The following NAV3 variants were observed in gnomAD, a reference collection of about 807,000 sequenced individuals.
NAV3 encodes pore membrane and/or filament interacting like protein 1.
NAV3 carries 87 observed loss-of-function variants against 244.7 expected under a neutral mutation model. That is an observed-to-expected ratio of 0.36 (90% CI 0.30 to 0.42). The LOEUF (loss-of-function observed/expected upper bound fraction) is 0.42, where lower values mean the gene tolerates loss of function less well. Ranked by LOEUF, NAV3 falls within the 20% of genes least tolerant of loss-of-function variation. The probability of loss-of-function intolerance (pLI) is 1.00; values close to 1 mark genes in which losing one functional copy is unlikely to be tolerated. For synonymous variants in NAV3, 1,126 were observed against 1,042.2 expected (o/e 1.08, Z -1.55); for missense variants, 2,663 against 2,893.3 (o/e 0.92, Z 1.83).
chr12:78,037,222 G>A (rs970124188), intron 9 of NAV3: 1 of 702,886 alleles, frequency 1.4e-6, no homozygotes, highest in African/African-American at 1.7e-5. Context: ...GAAGATAGTA[G>A]GTCTGAAGAT....
At chr12:77,672,673 A>G (rs1874035412) in intron 2 of NAV3, among the ~76,000 whole-genome samples, 2 of 151,914 alleles carry the variant, frequency 1.3e-5, no homozygotes, top group African/African-American at 4.8e-5. Flanking sequence ...GACTTTGAGG[A>G]CTCAGGGGAA....
At chr12:78,155,354 C>A (rs1275621150) in intron 22 of NAV3, among the ~76,000 whole-genome samples, 1 of 152,120 alleles carries the variant, frequency 6.6e-6, no homozygotes, top group East Asian at 1.9e-4. Flanking sequence ...GACATGACCT[C>A]ATTCCTTTTT....
At chr12:78,179,986 CT>C (rs1194316784) in intron 29 of NAV3, among the ~76,000 whole-genome samples, 1 of 152,110 alleles carries the variant, frequency 6.6e-6, no homozygotes, top group Non-Finnish European at 1.5e-5. Context: ...TGCTTCTTCA[CT>C]TTTCCATCAT....
intron 2 of NAV3, among the ~76,000 whole-genome samples, chr12:77,790,340 T>C (rs1429526951): frequency 6.6e-6 from 1 of 152,220 alleles, no homozygotes; most frequent in South Asian, 2.1e-4. Context: ...GTACTCAGTA[T>C]GTCTAAGAGA....
intron 2 of NAV3, among the ~76,000 whole-genome samples, chr12:77,602,687 C>T (rs1870493751): frequency 6.6e-6 from 1 of 151,788 alleles, no homozygotes; most frequent in Non-Finnish European, 1.5e-5. Flanking sequence ...AGTTTTGGAC[C>T]CGATTTCACT....
intron 12 of NAV3, among the ~76,000 whole-genome samples, chr12:78,071,312 A>C (rs1045511366): frequency 6.6e-6 from 1 of 152,044 alleles, no homozygotes; most frequent in African/African-American, 2.4e-5. Flanking sequence ...AGTGATGATG[A>C]GTATCTTTTC....
chr12:77,781,849 A>G (rs754438785), intron 2 of NAV3, among the ~76,000 whole-genome samples: 2 of 152,208 alleles, frequency 1.3e-5, no homozygotes, highest in African/African-American at 2.4e-5. Context: ...AGAAGAGAGA[A>G]TGACTAGGGC....
At chr12:77,713,337 G>A (rs1351194357) in intron 2 of NAV3, among the ~76,000 whole-genome samples, 1 of 152,128 alleles carries the variant, frequency 6.6e-6, no homozygotes, top group Non-Finnish European at 1.5e-5. Flanking sequence ...GAAATTATCT[G>A]ACTATGCTAT....
intron 12 of NAV3, among the ~76,000 whole-genome samples, chr12:78,063,184 G>A (rs530656882): frequency 2.4e-4 from 37 of 152,196 alleles, no homozygotes; most frequent in Non-Finnish European, 4.0e-4. Context: ...ATATTTTATT[G>A]CTTAAAGATA....
chr12:77,720,905 G>C (rs971320171), intron 2 of NAV3, among the ~76,000 whole-genome samples: 2 of 152,124 alleles, frequency 1.3e-5, no homozygotes, highest in African/African-American at 4.8e-5. Context: ...TTCTGCCTAT[G>C]ATTCTTAAAA....
chr12:77,872,826 A>T (rs1881178406), intron 1 of NAV3, among the ~76,000 whole-genome samples: 1 of 152,178 alleles, frequency 6.6e-6, no homozygotes, highest in Non-Finnish European at 1.5e-5. Context: ...ATTGTGTTGA[A>T]TAAATGCAAT....
chr12:78,126,770 T>A (rs866758346), intron 16 of NAV3, among the ~76,000 whole-genome samples: 2 of 152,174 alleles, frequency 1.3e-5, no homozygotes, highest in Non-Finnish European at 2.9e-5. Flanking sequence ...TCTCTGTCAA[T>A]TGGAAGTTGT....
In NAV3 at chr12:78,009,258, T is replaced by G. The variant is rs1475027983; in HGVS notation, c.1907+1813T>G. 2.0e-5 allele frequency among the ~76,000 whole-genome samples: 3 copies of G among 151,960 alleles called. No individual in the cohort carries two copies. The East Asian group carries it at 5.8e-4, about 29-fold the overall frequency. The stretch of plus-strand genomic sequence containing the variant: ...CTGATGAGTTCTTTGAGAAACTCTT[T>G]GAGTTTCTGTTTGACCTCTTTAACA... On this transcript the variant is annotated intron_variant, in intron 8 of 39. Transcript: ENST00000397909.
intron 8 of NAV3, among the ~76,000 whole-genome samples, chr12:78,015,929 A>G (rs1365895727): frequency 8.5e-5 from 13 of 152,122 alleles, no homozygotes. Flanking sequence ...GTATGGACAA[A>G]TAGATTTCTA....
chr12:77,695,281 AG>A (rs1875243489), intron 2 of NAV3, among the ~76,000 whole-genome samples: 1 of 152,000 alleles, frequency 6.6e-6, no homozygotes, highest in Non-Finnish European at 1.5e-5. Context: ...TCATGGTTAG[AG>A]GTCTTAGATT....
chr12:78,211,907 A>G lies in NAV3; in HGVS notation c.*1390A>G, dbSNP rs1161956139. On this transcript the variant is annotated 3_prime_UTR_variant, in exon 40 of 40. Transcript: ENST00000397909. The stretch of plus-strand genomic sequence containing the variant: ...GTCTACTGGGTAGGTATTGTAAATA[A>G]TAATTTTTAAAACTTGCACAAATCA... The G allele has an allele frequency of 2.0e-5, 3 of 152,654 alleles. No homozygotes were observed. Among genetic ancestry groups the G allele is most frequent in the African/African-American group, 7.2e-5 (3 of 41,470 alleles). 9.5% of individuals were successfully genotyped at this position (152,654 alleles called of 1,614,324 possible). A position where few individuals can be genotyped will look rare whatever the true frequency, so the allele number is the denominator to read the frequency against.
At chr12:77,964,389 ACTTTAGGACTGCT>A (rs1892332028) in intron 3 of NAV3, among the ~76,000 whole-genome samples, 2 of 152,166 alleles carry the variant, frequency 1.3e-5, no homozygotes, top group African/African-American at 4.8e-5. Context: ...GAAATCAAGA[ACTTTAGGACTGCT>A]CTTGCAAACA....
At chr12:78,178,700 T>C (rs1200462136) in intron 28 of NAV3, among the ~76,000 whole-genome samples, 4 of 152,152 alleles carry the variant, frequency 2.6e-5, no homozygotes, top group African/African-American at 9.6e-5. Context: ...CACTGTGCTT[T>C]GCCTACATAA....
At chr12:78,089,519 TTTTC>T (rs1252221332) in intron 12 of NAV3, among the ~76,000 whole-genome samples, 11 of 152,290 alleles carry the variant, frequency 7.2e-5, no homozygotes, top group African/African-American at 2.6e-4. Context: ...TAGAGGTTTC[TTTTC>T]TTTATTTTTA....
Sources: gnomAD v4.1 joint callset for allele counts (sites outside exome capture counted in the v4.1 genomes callset) on GRCh38, gnomAD v4.1.1 for gene constraint, MANE v1.5 for transcripts, NCBI Gene and HGNC (gene_info 2026-07-23, HGNC 2026-07-21) for gene names.